GRIK3: variants seen among roughly 807,000 people sequenced by gnomAD.
The protein encoded by GRIK3 is glutamate ionotropic receptor kainate type subunit 3.
In GRIK3, 29 loss-of-function variants were observed where a neutral mutation model predicts 102.5. That is an observed-to-expected ratio of 0.28 (90% confidence interval 0.21 to 0.39). The LOEUF is 0.39. GRIK3 is among the 10% of genes least tolerant of loss of function. GRIK3 has a pLI of 1.00. For synonymous variants in GRIK3, 511 were observed against 504.9 expected, an observed-to-expected ratio of 1.01 and a Z score of -0.16; for missense variants, 908 against 1,252.4, an observed-to-expected ratio of 0.73 and a Z score of 4.15.
intron 1 of GRIK3, among the ~76,000 whole-genome samples, chr1:37,032,771 AGGGTCCGGCTCCCG>A (rs1642841645): frequency 1.3e-5 from 2 of 152,268 alleles, no homozygotes; most frequent in South Asian, 2.1e-4. Flanking sequence ...GGTGTTCAAG[AGGGTCCGGCTCCCG>A]GGCGGCCGCC....
At chr1:36,906,027 G>C (rs1014057533) in intron 1 of GRIK3, among the ~76,000 whole-genome samples, 1 of 152,204 alleles carries the variant, frequency 6.6e-6, no homozygotes, top group African/African-American at 2.4e-5. Flanking sequence ...CTAAGTCCAA[G>C]GGATGGAGCC....
intron 1 of GRIK3, among the ~76,000 whole-genome samples, chr1:36,998,582 A>G (rs1226360817): frequency 1.3e-5 from 2 of 151,736 alleles, no homozygotes; most frequent in Non-Finnish European, 2.9e-5. Flanking sequence ...CACTGATCGG[A>G]CTCCCCATGT....
chr1:36,851,141 T>C (rs1223186753), intron 8 of GRIK3, among the ~76,000 whole-genome samples: 2 of 152,192 alleles, frequency 1.3e-5, no homozygotes, highest in Non-Finnish European at 2.9e-5. Context: ...ACTCTGTCCT[T>C]GGCCCAGTTA....
At chr1:37,010,391 A>G (rs1019864350) in intron 1 of GRIK3, among the ~76,000 whole-genome samples, 2 of 152,228 alleles carry the variant, frequency 1.3e-5, no homozygotes, top group African/African-American at 4.8e-5. Context: ...CTTTCTGTTC[A>G]CCAGGCCTCT....
Position 36,801,765 on chromosome 1 carries a change from A to T in GRIK3, c.*86T>A. ...GGTGGCAGCTCTGGTCCCCAAGCCCAGTGCGGGGACAGGGGACGTTCCTTC... is the reference window on the plus strand; with the variant it reads ...GGTGGCAGCTCTGGTCCCCAAGCCCTGTGCGGGGACAGGGGACGTTCCTTC... On this transcript the variant is annotated 3_prime_UTR_variant, in exon 16 of 16. Coordinates refer to ENST00000373091, the MANE Select transcript of GRIK3 (RefSeq NM_000831.4). The T allele has an allele frequency of 8.5e-7, 1 of 1,180,292 alleles. No individual in the cohort carries two copies. The highest frequency in any genetic ancestry group is 2.7e-5 in the Admixed American group (1 of 36,666). 73.1% of individuals were successfully genotyped at this position (1,180,292 alleles called of 1,614,324 possible). A position where few individuals can be genotyped will look rare whatever the true frequency, so the allele number is the denominator to read the frequency against.
In GRIK3 at chr1:36,799,006, T is replaced by C. The variant is rs1642401996; in HGVS notation, c.*2845A>G. 6.6e-6 allele frequency: 1 copy of C among 152,180 alleles called. No homozygotes were observed. The highest frequency in any genetic ancestry group is 1.5e-5 in the Non-Finnish European group (1 of 68,026). The allele number at this position is 152,180 out of a possible 1,614,324, so 9.4% of individuals were successfully genotyped here. On this transcript the variant is annotated 3_prime_UTR_variant, in exon 16 of 16. Coordinates refer to ENST00000373091, the MANE Select transcript of GRIK3 (RefSeq NM_000831.4). ...TAGCATCACACACACAACACATGTG[T>C]GAGACAAGAGCAAGAATGAGGCACG...
chr1:36,962,977 C>T (rs117534827), intron 1 of GRIK3, among the ~76,000 whole-genome samples: 1,689 of 151,390 alleles, frequency 0.011, 17 homozygotes, highest in Admixed American at 0.021. Context: ...GTAGAGGTGG[C>T]CAAGGGCAAT....
intron 12 of GRIK3, among the ~76,000 whole-genome samples, chr1:36,818,811 C>T (rs560133743): frequency 3.7e-4 from 56 of 152,302 alleles, no homozygotes; most frequent in Middle Eastern, 3.4e-3. Flanking sequence ...TTTCTCTGTC[C>T]CTGGAAGCCC....
intron 1 of GRIK3, among the ~76,000 whole-genome samples, chr1:36,996,221 C>T (rs1642417835): frequency 6.6e-6 from 1 of 152,208 alleles, no homozygotes; most frequent in Non-Finnish European, 1.5e-5. Flanking sequence ...CCTGTGTTGC[C>T]GCAGGCAAGT....
intron 1 of GRIK3, among the ~76,000 whole-genome samples, chr1:37,010,730 T>A (rs1418599180): frequency 1.9e-5 from 1 of 52,780 alleles, no homozygotes; most frequent in African/African-American, 1.7e-4. Context: ...TGTACCACTT[T>A]TTTTTTTTTT....
intron 5 of GRIK3, among the ~76,000 whole-genome samples, chr1:36,868,850 G>A (rs1049224792): frequency 6.6e-5 from 10 of 152,192 alleles, no homozygotes; most frequent in African/African-American, 1.9e-4. Flanking sequence ...CAGAACCTAC[G>A]GGGTCATAGA....
intron 2 of GRIK3, among the ~76,000 whole-genome samples, chr1:36,889,951 C>T (rs574270): frequency 0.021 from 3,212 of 152,082 alleles, 119 homozygotes; most frequent in East Asian, 0.12. Context: ...TGGACAAGGC[C>T]GGGCAGAGGG....
intron 1 of GRIK3, among the ~76,000 whole-genome samples, chr1:36,983,958 G>C (rs1171802139): frequency 6.6e-6 from 1 of 152,150 alleles, no homozygotes; most frequent in Admixed American, 6.5e-5. Context: ...GCCGCCCATA[G>C]TACCCAGCAG....
At position 36,800,033 on chromosome 1, in the gene GRIK3, C is replaced by A. The variant is rs1642423528; in HGVS notation, c.*1818G>T. On this transcript the variant is annotated 3_prime_UTR_variant, in exon 16 of 16. Coordinates refer to ENST00000373091, the MANE Select transcript of GRIK3 (RefSeq NM_000831.4). ...GTCCAATGTACATAGCCAGTCAGAGCTGCTAGGATTCTGGGAACCTGCTGG... is the reference window on the plus strand; with the variant it reads ...GTCCAATGTACATAGCCAGTCAGAGATGCTAGGATTCTGGGAACCTGCTGG... The A allele has an allele frequency of 6.6e-6, 1 of 152,210 alleles. No individual in the cohort carries two copies. Among genetic ancestry groups the A allele is most frequent in the Admixed American group, 6.5e-5 (1 of 15,280 alleles). 9.4% of individuals were successfully genotyped at this position (152,210 alleles called of 1,614,324 possible). A position where few individuals can be genotyped will look rare whatever the true frequency, so the allele number is the denominator to read the frequency against.
intron 13 of GRIK3, among the ~76,000 whole-genome samples, chr1:36,808,008 C>T (rs1392120788): frequency 6.6e-6 from 1 of 152,204 alleles, no homozygotes; most frequent in African/African-American, 2.4e-5. Context: ...TCTCTTACCT[C>T]TGCAATCCCT....
At chr1:36,923,154 T>A (rs1183930286) in intron 1 of GRIK3, among the ~76,000 whole-genome samples, 2 of 152,260 alleles carry the variant, frequency 1.3e-5, no homozygotes, top group Non-Finnish European at 2.9e-5. Context: ...TATTAATGTT[T>A]CTGGTTAAAT....
chr1:36,895,890 C>T (rs2124277572), intron 1 of GRIK3, among the ~76,000 whole-genome samples: 1 of 152,222 alleles, frequency 6.6e-6, no homozygotes, highest in Non-Finnish European at 1.5e-5. Flanking sequence ...AAGAAAAATG[C>T]ATCTTATCTA....
intron 1 of GRIK3, among the ~76,000 whole-genome samples, chr1:36,923,375 A>G (rs1641494295): frequency 6.6e-6 from 1 of 152,200 alleles, no homozygotes; most frequent in Non-Finnish European, 1.5e-5. Context: ...GAACAGGGAA[A>G]GGGCAGGGAA....
rs1055959920 is a variant in GRIK3 at position 36,853,496 on chromosome 1, T to C, written c.1212+119A>G. 8 of 674,006 alleles carry C rather than the reference T, an allele frequency of 1.2e-5. No homozygotes were observed. In the African/African-American group the frequency reaches 1.2e-4, roughly 10 times the overall value. 41.8% of individuals were successfully genotyped at this position (674,006 alleles called of 1,614,324 possible). The stretch of plus-strand genomic sequence containing the variant: ...GGCTACACTGGACCAAGTCAATCCC[T>C]GAGGGGCAGCTGGACTGTGTCTTGC... On this transcript the variant is annotated intron_variant, in intron 8 of 15. Coordinates refer to ENST00000373091, the MANE Select transcript of GRIK3 (RefSeq NM_000831.4).
Sources: allele counts gnomAD v4.1 joint callset (sites outside exome capture counted in the v4.1 genomes callset), GRCh38; gene constraint gnomAD v4.1.1; transcripts MANE v1.5; gene names NCBI Gene and HGNC (gene_info 2026-07-23, HGNC 2026-07-21).